BNC2: variants seen among roughly 807,000 people sequenced by gnomAD.
BNC2 encodes the protein zinc finger protein basonuclin-2.
Under a neutral mutation model 76.3 loss-of-function variants are expected in BNC2, and 20 were observed. That is an observed-to-expected ratio of 0.26 (90% CI 0.18 to 0.38). BNC2 has a LOEUF of 0.38. Ranked by LOEUF, BNC2 falls within the 10% of genes least tolerant of loss-of-function variation. The pLI, the probability that BNC2 is intolerant of heterozygous loss-of-function variation, is 1.00. For missense variants in BNC2, 1,382 were observed against 1,399.8 expected (o/e 0.99, Z 0.20); for synonymous variants, 582 against 514.8 (o/e 1.13, Z -1.77).
intron 1 of BNC2, among the ~76,000 whole-genome samples, chr9:16,790,847 T>A (rs1263778447): frequency 6.6e-6 from 1 of 150,462 alleles, no homozygotes; most frequent in Non-Finnish European, 1.5e-5. Context: ...AAGAATGCTG[T>A]TTACAATTAG....
intron 1 of BNC2, among the ~76,000 whole-genome samples, chr9:16,832,593 A>C (rs563621431): frequency 6.6e-6 from 1 of 152,212 alleles, no homozygotes; most frequent in Non-Finnish European, 1.5e-5. Flanking sequence ...AGGGTCTGTG[A>C]AATCCTCAAG....
At chr9:16,657,637 A>G (rs972554641) in intron 3 of BNC2, among the ~76,000 whole-genome samples, 5 of 152,210 alleles carry the variant, frequency 3.3e-5, no homozygotes, top group African/African-American at 1.2e-4. Context: ...CTTGGACCAG[A>G]AAGAGGCTTA....
At chr9:16,652,218 T>C (rs551547849) in intron 3 of BNC2, among the ~76,000 whole-genome samples, 10 of 152,302 alleles carry the variant, frequency 6.6e-5, no homozygotes, top group African/African-American at 2.4e-4. Flanking sequence ...CCAAAATAAT[T>C]AATTGAGTCA....
intron 1 of BNC2, among the ~76,000 whole-genome samples, chr9:16,800,768 C>A (rs1817761538): frequency 6.6e-6 from 1 of 152,164 alleles, no homozygotes; most frequent in South Asian, 2.1e-4. Context: ...ACATCAACAT[C>A]TGGTACCTGG....
chr9:16,455,616 C>A (rs1379780501), intron 5 of BNC2, among the ~76,000 whole-genome samples: 3 of 152,090 alleles, frequency 2.0e-5, no homozygotes, highest in East Asian at 3.9e-4. Context: ...CATGGTGAAA[C>A]CCTGTCTCTA....
intron 3 of BNC2, among the ~76,000 whole-genome samples, chr9:16,597,730 T>C (rs192022873): frequency 9.5e-4 from 145 of 152,312 alleles, no homozygotes; most frequent in African/African-American, 3.4e-3. Context: ...TGAGCTTTTA[T>C]GTCATTTCCC....
chr9:16,499,147 G>T (rs1822464485), intron 5 of BNC2, among the ~76,000 whole-genome samples: 1 of 152,082 alleles, frequency 6.6e-6, no homozygotes, highest in Non-Finnish European at 1.5e-5. Context: ...TATTTGTTGG[G>T]CATCATGCCA....
chr9:16,757,177 T>A (rs1825410683), intron 1 of BNC2, among the ~76,000 whole-genome samples: 1 of 152,202 alleles, frequency 6.6e-6, no homozygotes, highest in Non-Finnish European at 1.5e-5. Flanking sequence ...TACTTCTGAT[T>A]GAATGTTCCA....
At chr9:16,664,928 T>C (rs1479147537) in intron 3 of BNC2, 2 of 310,750 alleles carry the variant, frequency 6.4e-6, no homozygotes, top group Non-Finnish European at 1.2e-5. Flanking sequence ...CAGAATATAG[T>C]GAATCTTAAA....
At chr9:16,494,898 G>A (rs112601577) in intron 5 of BNC2, among the ~76,000 whole-genome samples, 3 of 152,240 alleles carry the variant, frequency 2.0e-5, no homozygotes, top group African/African-American at 4.8e-5. Context: ...GTTGATGGGT[G>A]CAGCAAACTA....
At chr9:16,677,578 A>AAACACACACACACACACACACACAC (rs1822687344) in intron 3 of BNC2, among the ~76,000 whole-genome samples, 3 of 139,256 alleles carry the variant, frequency 2.2e-5, no homozygotes, top group African/African-American at 8.5e-5. Flanking sequence ...GTCTCAAACA[A>AAACACACACACACACACACACACAC]ACACACACAC....
At chr9:16,564,819 A>C (rs1217049120) in intron 4 of BNC2, among the ~76,000 whole-genome samples, 1 of 152,210 alleles carries the variant, frequency 6.6e-6, no homozygotes, top group Non-Finnish European at 1.5e-5. Flanking sequence ...ATGTATCTAC[A>C]TCTACTTTTT....
At chr9:16,606,964 T>C (rs551057130) in intron 3 of BNC2, among the ~76,000 whole-genome samples, 61 of 151,662 alleles carry the variant, frequency 4.0e-4, no homozygotes, top group African/African-American at 1.3e-3. Flanking sequence ...AACACATTTA[T>C]TGAGGCAGGG....
At chr9:16,698,923 A>G (rs1823425921) in intron 3 of BNC2, among the ~76,000 whole-genome samples, 1 of 152,196 alleles carries the variant, frequency 6.6e-6, no homozygotes, top group South Asian at 2.1e-4. Context: ...GGTTTTCTTA[A>G]TCAGATCTGC....
chr9:16,653,319 G>C (rs184633221), intron 3 of BNC2, among the ~76,000 whole-genome samples: 8 of 152,168 alleles, frequency 5.3e-5, no homozygotes, highest in Non-Finnish European at 8.8e-5. Context: ...ACTCACAAAT[G>C]TAAGTGCCCA....
chr9:16,810,682 A>G (rs1818023677), intron 1 of BNC2, among the ~76,000 whole-genome samples: 1 of 152,224 alleles, frequency 6.6e-6, no homozygotes, highest in South Asian at 2.1e-4. Flanking sequence ...AACAAAATGC[A>G]TCACACATAG....
chr9:16,803,037 A>C (rs577556980), intron 1 of BNC2, among the ~76,000 whole-genome samples: 10 of 152,302 alleles, frequency 6.6e-5, no homozygotes, highest in African/African-American at 2.4e-4. Flanking sequence ...CTCACTTCAT[A>C]ATCTATCTAC....
intron 1 of BNC2, among the ~76,000 whole-genome samples, chr9:16,855,487 C>G (rs1819230727): frequency 6.6e-6 from 1 of 152,204 alleles, no homozygotes; most frequent in Admixed American, 6.5e-5. Context: ...AAGTCCCATG[C>G]CTACGCCAAA....
chr9:16,833,439 A>G (rs536666851), intron 1 of BNC2, among the ~76,000 whole-genome samples: 23 of 152,282 alleles, frequency 1.5e-4, no homozygotes, highest in Non-Finnish European at 3.1e-4. Flanking sequence ...AAGGAAGAGA[A>G]AAAAAACTAG....
Sources: allele counts gnomAD v4.1 joint callset (sites outside exome capture counted in the v4.1 genomes callset), GRCh38; gene constraint gnomAD v4.1.1; transcripts MANE v1.5; gene names NCBI Gene and HGNC (gene_info 2026-07-23, HGNC 2026-07-21).